NEGR1: variants seen among roughly 807,000 people sequenced by gnomAD.
NEGR1 encodes IgLON family member 4.
A neutral mutation model predicts 40.9 loss-of-function variants in NEGR1; 10 were observed. The observed-to-expected ratio is 0.24, with a 90% CI of 0.15 to 0.42. The LOEUF is 0.42. Ranked by LOEUF, NEGR1 falls within the 10% of genes least tolerant of loss-of-function variation. The pLI, the probability that NEGR1 is intolerant of heterozygous loss-of-function variation, is 1.00. For synonymous variants in NEGR1, 185 were observed against 166.8 expected, an observed-to-expected ratio of 1.11 and a Z score of -0.84; for missense variants, 352 against 438.9, an observed-to-expected ratio of 0.80 and a Z score of 1.77.
intron 1 of NEGR1, among the ~76,000 whole-genome samples, chr1:72,216,370 G>GTT (rs1653810150): frequency 9.0e-6 from 1 of 110,982 alleles, no homozygotes; most frequent in Non-Finnish European, 1.8e-5. Flanking sequence ...GAACTTGGAA[G>GTT]TTATATATAT....
chr1:71,878,990 A>C (rs1660508545), intron 2 of NEGR1, among the ~76,000 whole-genome samples: 1 of 152,068 alleles, frequency 6.6e-6, no homozygotes, highest in South Asian at 2.1e-4. Flanking sequence ...AAAATTAGCC[A>C]GGGGTGGTGG....
intron 1 of NEGR1, among the ~76,000 whole-genome samples, chr1:72,027,235 T>A (rs1275302927): frequency 6.6e-6 from 1 of 152,056 alleles, no homozygotes; most frequent in Non-Finnish European, 1.5e-5. Context: ...CCAAGACTCA[T>A]GTTTTATGTT....
intron 6 of NEGR1, among the ~76,000 whole-genome samples, chr1:71,430,338 C>T (rs192810587): frequency 2.5e-4 from 38 of 152,262 alleles, no homozygotes; most frequent in South Asian, 2.1e-3. Context: ...CTGGGTATTG[C>T]CCTAACATAT....
chr1:72,102,960 A>G (rs149380148), intron 1 of NEGR1, among the ~76,000 whole-genome samples: 8 of 152,228 alleles, frequency 5.3e-5, no homozygotes, highest in African/African-American at 1.9e-4. Flanking sequence ...AACAAAGTCA[A>G]TAGATAAGGG....
rs545676214 is a variant in NEGR1 at position 71,995,700 on chromosome 1, G to A, written c.177-60389C>T. On this transcript the variant is annotated intron_variant, in intron 1 of 6. Coordinates refer to ENST00000357731, the MANE Select transcript of NEGR1 (RefSeq NM_173808.3). ...AAAATGCTGAAAAGATAAAACTTACGATTTCCATGTATGAATAATTGTAGC... is the reference window on the plus strand; with the variant it reads ...AAAATGCTGAAAAGATAAAACTTACAATTTCCATGTATGAATAATTGTAGC... Among the ~76,000 whole-genome samples the A allele has an allele frequency of 1.3e-4, 20 of 152,162 alleles. No individual in the cohort carries two copies. In the East Asian group the frequency reaches 3.5e-3, roughly 26 times the overall value.
At chr1:71,946,929 A>G (rs1353494834) in intron 1 of NEGR1, among the ~76,000 whole-genome samples, 5 of 151,398 alleles carry the variant, frequency 3.3e-5, no homozygotes, top group African/African-American at 1.2e-4. Context: ...AAAATTACAT[A>G]ACTTAGCTAG....
chr1:72,135,777 G>T (rs1439305022), intron 1 of NEGR1, among the ~76,000 whole-genome samples: 1 of 152,210 alleles, frequency 6.6e-6, no homozygotes, highest in African/African-American at 2.4e-5. Flanking sequence ...AACCAAGGAA[G>T]AGAAAATAAC....
At chr1:71,884,194 T>C (rs1458869195) in intron 2 of NEGR1, among the ~76,000 whole-genome samples, 1 of 152,162 alleles carries the variant, frequency 6.6e-6, no homozygotes, top group Non-Finnish European at 1.5e-5. Context: ...TATTGTTTCC[T>C]CCACTTGGGT....
intron 1 of NEGR1, among the ~76,000 whole-genome samples, chr1:71,963,141 T>C (rs1646180600): frequency 1.3e-5 from 2 of 152,036 alleles, no homozygotes; most frequent in East Asian, 1.9e-4. Context: ...ATACATAATA[T>C]ACTAAAAAAC....
At chr1:71,759,760 C>T (rs1395190025) in intron 3 of NEGR1, among the ~76,000 whole-genome samples, 5 of 151,700 alleles carry the variant, frequency 3.3e-5, no homozygotes, top group Non-Finnish European at 7.4e-5. Context: ...CAAGCCTGTG[C>T]CACCATGTCT....
intron 1 of NEGR1, among the ~76,000 whole-genome samples, chr1:72,126,353 C>G (rs561809782): frequency 5.9e-5 from 9 of 152,044 alleles, no homozygotes; most frequent in Admixed American, 3.3e-4. Context: ...TTTTAGTTTG[C>G]TATATCGAAG....
intron 2 of NEGR1, among the ~76,000 whole-genome samples, chr1:71,801,539 T>A (rs1323948235): frequency 6.6e-6 from 1 of 152,214 alleles, no homozygotes; most frequent in African/African-American, 2.4e-5. Flanking sequence ...GCCTTTCTTA[T>A]CTCAGTTAAT....
At chr1:71,583,850 CTAAT>C (rs530074125) in intron 6 of NEGR1, among the ~76,000 whole-genome samples, 187 of 152,292 alleles carry the variant, frequency 1.2e-3, no homozygotes, top group African/African-American at 2.8e-3. Context: ...ATCTGCCTCA[CTAAT>C]TAAGCAGCTC....
At chr1:72,134,901 C>T (rs61331535) in intron 1 of NEGR1, among the ~76,000 whole-genome samples, 1 of 150,832 alleles carries the variant, frequency 6.6e-6, no homozygotes, top group Non-Finnish European at 1.5e-5. Context: ...TAACACCCAG[C>T]TAATTTTGTA....
At chr1:71,826,169 C>G (rs560657710) in intron 2 of NEGR1, among the ~76,000 whole-genome samples, 6 of 151,980 alleles carry the variant, frequency 3.9e-5, no homozygotes, top group Non-Finnish European at 7.4e-5. Context: ...TTTCTGGATT[C>G]TCAGTTTTCT....
At chr1:71,688,458 A>G (rs919966603) in intron 4 of NEGR1, among the ~76,000 whole-genome samples, 1 of 142,570 alleles carries the variant, frequency 7.0e-6, no homozygotes, top group African/African-American at 2.7e-5. Flanking sequence ...AGATATGTAT[A>G]TATCTTTTTT....
At chr1:71,920,699 G>T (rs546946056) in intron 2 of NEGR1, among the ~76,000 whole-genome samples, 1 of 152,326 alleles carries the variant, frequency 6.6e-6, no homozygotes, top group African/African-American at 2.4e-5. Context: ...AGTTGCTTTA[G>T]AGTTAGTGTC....
intron 2 of NEGR1, among the ~76,000 whole-genome samples, chr1:71,859,212 C>G (rs186692610): frequency 6.6e-6 from 1 of 152,162 alleles, no homozygotes; most frequent in Non-Finnish European, 1.5e-5. Flanking sequence ...TCACTCTGCT[C>G]CAGGACATTG....
At chr1:72,090,601 T>C (rs989099035) in intron 1 of NEGR1, among the ~76,000 whole-genome samples, 2 of 152,108 alleles carry the variant, frequency 1.3e-5, no homozygotes, top group African/African-American at 4.8e-5. Context: ...TCCAGGGTCA[T>C]CTACCTGATA....
Sources: allele counts gnomAD v4.1 joint callset (sites outside exome capture counted in the v4.1 genomes callset), GRCh38; gene constraint gnomAD v4.1.1; transcripts MANE v1.5; gene names NCBI Gene and HGNC (gene_info 2026-07-23, HGNC 2026-07-21).